Variants in GABRB1 observed in about 807,000 individuals in gnomAD.
GABRB1 encodes gamma-aminobutyric acid type A receptor subunit beta1, also known as gamma-aminobutyric acid receptor subunit beta-1.
Under a neutral mutation model 51.6 loss-of-function variants are expected in GABRB1, and 17 were observed. The ratio of observed to expected loss-of-function variants is 0.33; its 90% confidence interval spans 0.23 to 0.49. The LOEUF is 0.49. Among genes scored for constraint, GABRB1 ranks in the 20% least tolerant of loss-of-function variants. GABRB1 has a pLI of 0.99. For missense variants in GABRB1, 410 were observed against 600.6 expected (o/e 0.68, Z 3.32); for synonymous variants, 247 against 218.9 (o/e 1.13, Z -1.14).
At chr4:47,183,915 T>C (rs1237572325) in intron 4 of GABRB1, among the ~76,000 whole-genome samples, 1 of 151,916 alleles carries the variant, frequency 6.6e-6, no homozygotes, top group Non-Finnish European at 1.5e-5. Flanking sequence ...CTACTTGCTT[T>C]ATTACTTTAA....
At position 47,246,297 on chromosome 4, in the gene GABRB1, TATACACAC is replaced by T. The variant is rs1270682698; in HGVS notation, c.462-73828_462-73821del. Among the ~76,000 whole-genome samples, 4 of 89,350 alleles carry T rather than the reference TATACACAC, an allele frequency of 4.5e-5. 1 individual carries two copies. Among genetic ancestry groups the T allele is most frequent in the African/African-American group, 1.8e-4 (4 of 22,184 alleles). 58.6% of individuals were successfully genotyped at this position (89,350 alleles called of 152,430 possible). A position where few individuals can be genotyped will look rare whatever the true frequency, so the allele number is the denominator to read the frequency against. ...TCCATCATATATATATATATATATA[TATACACAC>T]ACACACACACACACACACACACACA... is the stretch of plus-strand genomic sequence containing the variant. On this transcript the variant is annotated intron_variant, in intron 4 of 8. Coordinates refer to ENST00000295454, the MANE Select transcript of GABRB1 (RefSeq NM_000812.4).
Position 47,141,104 on chromosome 4 carries a change from C to G in GABRB1, c.241-20145C>G, listed in dbSNP as rs368006132. Among the ~76,000 whole-genome samples, 10 of 151,766 alleles carry G rather than the reference C, an allele frequency of 6.6e-5. No individual in the cohort carries two copies. In the South Asian group the frequency reaches 2.1e-3, roughly 31 times the overall value. ...AACAGTTTTTTTTAAAAAAAAACAA[C>G]TAATATCGCTATACTAGCATATTCA... On this transcript the variant is annotated intron_variant, in intron 3 of 8. Coordinates refer to ENST00000295454, the MANE Select transcript of GABRB1 (RefSeq NM_000812.4).
At chr4:47,090,982 T>C (rs1281964414) in intron 3 of GABRB1, among the ~76,000 whole-genome samples, 1 of 152,228 alleles carries the variant, frequency 6.6e-6, no homozygotes, top group Non-Finnish European at 1.5e-5. Flanking sequence ...TGTAATTCAA[T>C]AGTACTACTC....
intron 4 of GABRB1, among the ~76,000 whole-genome samples, chr4:47,173,580 C>T (rs1176842516): frequency 6.6e-6 from 1 of 152,150 alleles, no homozygotes; most frequent in Non-Finnish European, 1.5e-5. Flanking sequence ...ATCTACAAGT[C>T]ACTTCCAGAT....
chr4:47,336,739 A>G (rs1725711126), intron 5 of GABRB1, among the ~76,000 whole-genome samples: 1 of 152,216 alleles, frequency 6.6e-6, no homozygotes, highest in Non-Finnish European at 1.5e-5. Flanking sequence ...AGCAACACAG[A>G]GTGCTGGAGT....
At chr4:47,041,131 T>C (rs189791321) in intron 3 of GABRB1, among the ~76,000 whole-genome samples, 13 of 152,168 alleles carry the variant, frequency 8.5e-5, no homozygotes, top group Admixed American at 7.2e-4. Flanking sequence ...GGTGATGAAA[T>C]GAGACCGGAT....
At chr4:47,170,025 T>G (rs945296515) in intron 4 of GABRB1, among the ~76,000 whole-genome samples, 5 of 152,082 alleles carry the variant, frequency 3.3e-5, no homozygotes, top group Admixed American at 1.3e-4. Context: ...ATGTATACAA[T>G]TTTTTTGGCT....
At chr4:47,416,206 A>G (rs74668471) in intron 8 of GABRB1, among the ~76,000 whole-genome samples, 21,395 of 152,174 alleles carry the variant, frequency 0.14, 1,623 homozygotes, top group Middle Eastern at 0.22. Context: ...CAAGAGAAAC[A>G]TAGCAGGTGA....
intron 3 of GABRB1, among the ~76,000 whole-genome samples, chr4:47,100,078 C>T (rs1035970042): frequency 1.3e-5 from 2 of 151,792 alleles, no homozygotes; most frequent in African/African-American, 4.8e-5. Flanking sequence ...GTTTAAAAGA[C>T]TTAAGGGGGT....
At chr4:47,400,321 C>T (rs1229274250) in intron 5 of GABRB1, among the ~76,000 whole-genome samples, 3 of 152,192 alleles carry the variant, frequency 2.0e-5, no homozygotes, top group African/African-American at 7.2e-5. Context: ...TTTGCTTCCT[C>T]CTCAGTTCTT....
rs1274895758 is a variant in GABRB1, at chr4:47,262,912, A to T, written c.462-57215A>T. Among the ~76,000 whole-genome samples, 4 of 151,900 alleles carry T rather than the reference A, an allele frequency of 2.6e-5. No homozygotes were observed. The East Asian group carries it at 7.7e-4, about 29-fold the overall frequency. On this transcript the variant is annotated intron_variant, in intron 4 of 8. Coordinates refer to ENST00000295454, the MANE Select transcript of GABRB1 (RefSeq NM_000812.4). ...TTTGTAGGGACATGGATGAAGCTGG[A>T]AACCATCATTCTCAGCAAACTATTG...
intron 4 of GABRB1, among the ~76,000 whole-genome samples, chr4:47,250,322 T>C (rs2109862288): frequency 6.6e-6 from 1 of 152,356 alleles, no homozygotes; most frequent in East Asian, 1.9e-4. Flanking sequence ...AGAAATCTGC[T>C]GTTAATCTGA....
chr4:47,242,090 T>G (rs1224200483), intron 4 of GABRB1, among the ~76,000 whole-genome samples: 1 of 150,048 alleles, frequency 6.7e-6, no homozygotes, highest in Non-Finnish European at 1.5e-5. Flanking sequence ...CCTGTGTCCA[T>G]GTGTTCTCAT....
chr4:47,050,442 C>T (rs904075117), intron 3 of GABRB1, among the ~76,000 whole-genome samples: 1 of 146,292 alleles, frequency 6.8e-6, no homozygotes, highest in Non-Finnish European at 1.5e-5. Context: ...TATATATATA[C>T]ATACATATAT....
chr4:47,152,586 A>C (rs1443290573), intron 3 of GABRB1, among the ~76,000 whole-genome samples: 3 of 152,056 alleles, frequency 2.0e-5, no homozygotes, highest in African/African-American at 7.2e-5. Context: ...TGAGTCACAT[A>C]GCTGTGTTTT....
intron 8 of GABRB1, among the ~76,000 whole-genome samples, chr4:47,410,620 A>T (rs1218910945): frequency 6.6e-6 from 1 of 152,188 alleles, no homozygotes; most frequent in African/African-American, 2.4e-5. Flanking sequence ...CTGAGTGTAA[A>T]CTTCCCCAGC....
chr4:47,257,289 C>T (rs187369864), intron 4 of GABRB1, among the ~76,000 whole-genome samples: 1 of 152,302 alleles, frequency 6.6e-6, no homozygotes, highest in Admixed American at 6.5e-5. Flanking sequence ...ATAGTAACAG[C>T]CCTTCTGTTC....
chr4:47,052,165 C>A (rs1201052390), intron 3 of GABRB1, among the ~76,000 whole-genome samples: 1 of 152,016 alleles, frequency 6.6e-6, no homozygotes, highest in Non-Finnish European at 1.5e-5. Flanking sequence ...ATGATTATAA[C>A]CAGCATACAG....
intron 1 of GABRB1, among the ~76,000 whole-genome samples, chr4:47,013,730 A>G (rs1490091080): frequency 6.6e-6 from 1 of 152,088 alleles, no homozygotes; most frequent in African/African-American, 2.4e-5. Context: ...TTAATCCTAG[A>G]TTCTATTTTT....
Sources: allele counts gnomAD v4.1 joint callset (sites outside exome capture counted in the v4.1 genomes callset), GRCh38; gene constraint gnomAD v4.1.1; transcripts MANE v1.5; gene names NCBI Gene and HGNC (gene_info 2026-07-23, HGNC 2026-07-21).